The following ALK variants were observed in gnomAD, a reference collection of about 807,000 sequenced individuals.
The protein encoded by ALK is ALK receptor tyrosine kinase.
A neutral mutation model predicts 163.1 loss-of-function variants in ALK; 74 were observed. The observed-to-expected ratio is 0.45, with a 90% CI of 0.38 to 0.55. ALK has a LOEUF of 0.55. ALK is among the 20% of genes least tolerant of loss of function. The pLI, the probability that ALK is intolerant of heterozygous loss-of-function variation, is 0.00. For synonymous variants in ALK, 960 were observed against 843.2 expected (o/e 1.14, Z -2.40); for missense variants, 2,063 against 2,105.3 (o/e 0.98, Z 0.39).
At chr2:29,517,238 G>A (rs1219601160) in intron 4 of ALK, among the ~76,000 whole-genome samples, 2 of 152,124 alleles carry the variant, frequency 1.3e-5, no homozygotes, top group African/African-American at 2.4e-5. Flanking sequence ...CTCAGGAACG[G>A]GGAGTCCAGG....
In ALK at chr2:29,228,935, C is replaced by T. The variant is rs745317944; in HGVS notation, c.2764G>A (p.Gly922Arg). Residue 922 changes from glycine to arginine, a missense_variant, in exon 16 of 29, where the codon GGA (glycine) becomes AGA (arginine). Physicochemically the swap from Gly to Arg is moderately radical, Grantham distance 125. Transcript: ENST00000389048. ...GAGGAGCACCCCCCTCCACCCCCTC[C>T]GAAACCCCCTCTTGTCTCCCACCCC... is the stretch of plus-strand genomic sequence containing the variant. ...KWGWETRGGF[G>R]GGGGGCSSGG... 10 of 1,468,770 alleles carry T rather than the reference C, an allele frequency of 6.8e-6. No homozygotes were observed. The highest frequency in any genetic ancestry group is 2.4e-5 in the South Asian group (2 of 83,714). The allele number at this position is 1,468,770 out of a possible 1,614,324, so 91.0% of individuals were successfully genotyped here.
In ALK at chr2:29,788,469, T is replaced by C. The variant is rs553450512; in HGVS notation, c.668-70772A>G. ...CTTTCCATTTCTGTTGCTTGCACGA[T>C]GGACTCCCGGGTCTGGGAGAAATTA... On this transcript the variant is annotated intron_variant, in intron 1 of 28. Transcript: ENST00000389048. 5.9e-5 allele frequency among the ~76,000 whole-genome samples: 9 copies of C among 152,296 alleles called. No homozygotes were observed. The East Asian group carries it at 1.7e-3, about 29-fold the overall frequency.
At chr2:29,883,333 T>C (rs1044693749) in intron 1 of ALK, among the ~76,000 whole-genome samples, 33 of 152,196 alleles carry the variant, frequency 2.2e-4, no homozygotes, top group African/African-American at 6.8e-4. Context: ...GTTTTTCCTT[T>C]AAGTATCCTA....
intron 4 of ALK, among the ~76,000 whole-genome samples, chr2:29,456,386 A>T (rs1434640995): frequency 6.6e-6 from 1 of 152,216 alleles, no homozygotes; most frequent in African/African-American, 2.4e-5. Flanking sequence ...TCAGCCTTAA[A>T]GAGGAAAAAA....
chr2:29,465,554 C>T (rs754333905), intron 4 of ALK, among the ~76,000 whole-genome samples: 19 of 151,860 alleles, frequency 1.3e-4, no homozygotes, highest in Non-Finnish European at 2.6e-4. Flanking sequence ...ATTAACTGGG[C>T]GTAGTGGTGT....
At chr2:29,725,425 C>A (rs2148313480) in intron 1 of ALK, among the ~76,000 whole-genome samples, 1 of 152,272 alleles carries the variant, frequency 6.6e-6, no homozygotes, top group East Asian at 1.9e-4. Context: ...CCTCAAGGTC[C>A]CTGTCTTCCC....
chr2:29,710,869 C>T (rs1481830260), intron 2 of ALK, among the ~76,000 whole-genome samples: 2 of 152,134 alleles, frequency 1.3e-5, no homozygotes, highest in African/African-American at 2.4e-5. Flanking sequence ...AAGCCAAGAC[C>T]TGGGTTTACA....
intron 1 of ALK, among the ~76,000 whole-genome samples, chr2:29,834,284 C>A (rs929528917): frequency 6.6e-6 from 1 of 152,242 alleles, no homozygotes; most frequent in East Asian, 1.9e-4. Flanking sequence ...ATGGTACTCA[C>A]CCAATTAGAA....
chr2:29,332,863 A>G (rs1160196571), intron 5 of ALK, among the ~76,000 whole-genome samples: 2 of 152,228 alleles, frequency 1.3e-5, no homozygotes, highest in African/African-American at 4.8e-5. Flanking sequence ...TTTTCATAGG[A>G]TAGATTCCCA....
At chr2:29,746,524 A>G (rs6547973) in intron 1 of ALK, among the ~76,000 whole-genome samples, 18,408 of 152,262 alleles carry the variant, frequency 0.12, 2,514 homozygotes, top group African/African-American at 0.34. Context: ...GACTTGATCT[A>G]AATTATTCTA....
chr2:29,806,493 G>A (rs537625758), intron 1 of ALK, among the ~76,000 whole-genome samples: 1 of 152,336 alleles, frequency 6.6e-6, no homozygotes, highest in African/African-American at 2.4e-5. Flanking sequence ...GCCGCCAGCT[G>A]ATGTGGGCAA....
chr2:29,376,505 T>C (rs1031561826), intron 5 of ALK, among the ~76,000 whole-genome samples: 1 of 152,244 alleles, frequency 6.6e-6, no homozygotes, highest in Non-Finnish European at 1.5e-5. Flanking sequence ...ACAACTATTT[T>C]ATATTAATGT....
In ALK at chr2:29,569,800, A is replaced by G. The variant is rs564870113; in HGVS notation, c.953-37684T>C. ...AGCAGGGATCCCTGCTTTCCAGTTG[A>G]AAGTTCTTCAGGGGTCCCTGGAACC... On this transcript the variant is annotated intron_variant, in intron 3 of 28. Transcript: ENST00000389048. Among the ~76,000 whole-genome samples the G allele has an allele frequency of 3.3e-5, 5 of 152,246 alleles. No individual in the cohort carries two copies. The South Asian group carries it at 8.3e-4, about 25-fold the overall frequency.
chr2:29,888,711 A>G (rs1667055818), intron 1 of ALK, among the ~76,000 whole-genome samples: 1 of 152,200 alleles, frequency 6.6e-6, no homozygotes, highest in Non-Finnish European at 1.5e-5. Flanking sequence ...AATTCCTATT[A>G]ATTTCCCAAA....
Position 29,577,978 on chromosome 2 carries a change from T to A in ALK, c.953-45862A>T, listed in dbSNP as rs192814314. ...GTGGCACCCCCTAGTTGCATTGGGC[T>A]CTTTCCTCTAGGTAAAGAGGAAGAA... is the stretch of plus-strand genomic sequence containing the variant. On this transcript the variant is annotated intron_variant, in intron 3 of 28. Transcript: ENST00000389048. 4.8e-3 allele frequency among the ~76,000 whole-genome samples: 728 copies of A among 152,268 alleles called. 9 individuals are homozygous for A. The highest frequency in any genetic ancestry group is 0.017 in the African/African-American group (688 of 41,548).
chr2:29,914,420 C>G (rs1444563247), intron 1 of ALK, among the ~76,000 whole-genome samples: 1 of 152,194 alleles, frequency 6.6e-6, no homozygotes. Flanking sequence ...TTCAGACAGA[C>G]TAAAATGTAT....
chr2:29,514,242 A>C (rs1052367172), intron 4 of ALK, among the ~76,000 whole-genome samples: 1 of 147,840 alleles, frequency 6.8e-6, no homozygotes, highest in Non-Finnish European at 1.5e-5. Context: ...AAAGACTTGG[A>C]ACCAACCCAA....
chr2:29,345,326 T>A (rs534509498), intron 5 of ALK, among the ~76,000 whole-genome samples: 1 of 151,524 alleles, frequency 6.6e-6, no homozygotes, highest in African/African-American at 2.4e-5. Flanking sequence ...AGCCTGGGAG[T>A]TCTCCTCAGA....
Position 29,246,682 on chromosome 2 carries a change from G to A in ALK, c.2204+4423C>T, listed in dbSNP as rs1046828471. Among the ~76,000 whole-genome samples the A allele has an allele frequency of 1.3e-5, 2 of 152,142 alleles. No individual in the cohort carries two copies. Among genetic ancestry groups the A allele is most frequent in the African/African-American group, 4.8e-5 (2 of 41,426 alleles). Reference sequence around the variant, plus strand: ...TTGCACCCGACCCCACATTCACTCAGTCCTCAACTTACGCTGATCCCACCT... The same window carrying A: ...TTGCACCCGACCCCACATTCACTCAATCCTCAACTTACGCTGATCCCACCT... On this transcript the variant is annotated intron_variant, in intron 12 of 28. Coordinates refer to ENST00000389048, the MANE Select transcript of ALK (RefSeq NM_004304.5). The surrounding 1 kb of genome is among the most constrained non-coding windows in gnomAD (Gnocchi z 4.3).
Sources: gnomAD v4.1 joint callset for allele counts (sites outside exome capture counted in the v4.1 genomes callset) on GRCh38, gnomAD v4.1.1 for gene constraint, Gnocchi (gnomAD v3.1) non-coding constraint, MANE v1.5 for transcripts, NCBI Gene and HGNC (gene_info 2026-07-23, HGNC 2026-07-21) for gene names.